Variants in PSMD7 observed in about 807,000 individuals in gnomAD.
PSMD7 encodes 26S proteasome non-ATPase regulatory subunit 7.
A neutral mutation model predicts 36.4 loss-of-function variants in PSMD7; 13 were observed. The ratio of observed to expected loss-of-function variants is 0.36; its 90% confidence interval spans 0.23 to 0.57. PSMD7 has a LOEUF of 0.57. Among genes scored for constraint, PSMD7 ranks in the 20% least tolerant of loss-of-function variants. The pLI is 0.83. For synonymous variants in PSMD7, 186 were observed against 151.0 expected, an observed-to-expected ratio of 1.23 and a Z score of -1.70; for missense variants, 298 against 393.6, an observed-to-expected ratio of 0.76 and a Z score of 2.06.
rs373517773 is a variant in PSMD7 at position 74,296,898 on chromosome 16, G to C, written c.-17G>C. ...CGTGTGGCAGGGAGCCAGGCCTGGC[G>C]AGCGGGGTGTGTCGCGATGCCGGAG... On this transcript the variant is annotated 5_prime_UTR_variant, in exon 1 of 7. Transcript: ENST00000219313. The C allele has an allele frequency of 4.5e-4, 723 of 1,612,472 alleles. No individual in the cohort carries two copies. Among genetic ancestry groups the C allele is most frequent in the Non-Finnish European group, 6.0e-4 (703 of 1,179,614 alleles).
In PSMD7 at chr16:74,305,893, G is replaced by A. The variant is rs2034192868; in HGVS notation, c.*160G>A. ...ACTCTTGCTGTGGTGCTACGTGGAA[G>A]TGAATGGAGACTGATCTCAAATCTG... On this transcript the variant is annotated 3_prime_UTR_variant, in exon 7 of 7. Transcript: ENST00000219313. 3 of 750,686 alleles carry A rather than the reference G, an allele frequency of 4.0e-6. No homozygotes were observed. The highest frequency in any genetic ancestry group is 3.8e-6 in the Non-Finnish European group (2 of 530,998). The allele number at this position is 750,686 out of a possible 1,614,324, so 46.5% of individuals were successfully genotyped here.
At chr16:74,304,483 T>A in intron 6 of PSMD7, 89 bp downstream of exon 6, 1 of 1,172,730 alleles carries the variant, frequency 8.5e-7, no homozygotes, top group Middle Eastern at 2.0e-4. Context: ...TATGGAGACC[T>A]GGGGTCTCGT....
chr16:74,302,214 A>G lies in PSMD7; in HGVS notation c.360A>G (p.Val120=), dbSNP rs1158992657. Residue 120 remains valine (V), a splice_region_variant and synonymous_variant, in exon 5 of 7, where the codon GTA becomes GTG. Coordinates refer to ENST00000219313, the MANE Select transcript of PSMD7 (RefSeq NM_002811.5). ...ELMKRYCPNS[V]LVIIDVKPKD... ...GCTAAGATGTGTTTCTCTGCCAGGT[A>G]TTGGTCATCATTGATGTGAAGCCGA... is the stretch of plus-strand genomic sequence containing the variant. 3 of 1,613,454 alleles carry G rather than the reference A, an allele frequency of 1.9e-6. No individual in the cohort carries two copies. The highest frequency in any genetic ancestry group is 2.2e-5 in the East Asian group (1 of 44,896).
chr16:74,301,566 A>G lies in PSMD7; in HGVS notation c.271A>G (p.Ile91Val). The G allele has an allele frequency of 6.2e-7, 1 of 1,612,534 alleles. No homozygotes were observed. The highest frequency in any genetic ancestry group is 1.3e-5 in the African/African-American group (1 of 74,988). Reference sequence around the variant, plus strand: ...TTTTTCCTTCCTAGCCAGGGAAAGAATAGTTGGCTGGTACCACACAGGCCC... The same window carrying G: ...TTTTTCCTTCCTAGCCAGGGAAAGAGTAGTTGGCTGGTACCACACAGGCCC... ...MFKKVNARER[I>V]VGWYHTGPKL... The change falls in exon 4 of 7, where the codon ATA (isoleucine) becomes GTA (valine). Residue 91 changes from isoleucine (I) to valine (V), a missense_variant. Ile to Val is a conservative substitution (Grantham distance 29, BLOSUM62 3). Coordinates refer to ENST00000219313, the MANE Select transcript of PSMD7 (RefSeq NM_002811.5).
intron 1 of PSMD7, chr16:74,299,870 T>C (rs1397391076): frequency 5.5e-6 from 3 of 543,674 alleles, no homozygotes; most frequent in Non-Finnish European, 6.6e-6. Flanking sequence ...TTTGAAATTT[T>C]CCCAAGCATG....
chr16:74,301,791 T>C (rs1199867443), intron 4 of PSMD7, 139 bp downstream of exon 4: 5 of 670,974 alleles, frequency 7.5e-6, no homozygotes, highest in Non-Finnish European at 1.3e-5. Flanking sequence ...TGTAGTGCTC[T>C]GTGAAGTATA....
intron 5 of PSMD7, among the ~76,000 whole-genome samples, chr16:74,303,138 G>A (rs1195629): frequency 0.47 from 72,080 of 152,076 alleles, 17,562 homozygotes; most frequent in East Asian, 0.7. Context: ...ATGTTACAAG[G>A]TGAAGCTCAA....
chr16:74,304,199 C>T, intron 5 of PSMD7, 104 bp from the exon 6 acceptor site: 2 of 969,116 alleles, frequency 2.1e-6, no homozygotes, highest in South Asian at 2.8e-5. Context: ...GTCATGCACT[C>T]ATTAAATGAG....
intron 1 of PSMD7, chr16:74,299,608 C>G (rs1481670619): frequency 4.4e-6 from 2 of 453,422 alleles, no homozygotes; most frequent in African/African-American, 4.0e-5. Flanking sequence ...TGCCCATGCT[C>G]GTCTCAAACT....
rs373000284 is a variant in PSMD7 at position 74,300,235 on chromosome 16, G to A, written c.166+29G>A. The stretch of plus-strand genomic sequence containing the variant: ...AAAGACAAATTTTATGTTTTTCCGA[G>A]CATGATTAAAATGTCAGTTTACCCT... On this transcript the variant is annotated intron_variant, in intron 2 of 6. Transcript: ENST00000219313. 1.5e-5 allele frequency: 23 copies of A among 1,575,576 alleles called. No individual in the cohort carries two copies. In the African/African-American group the frequency reaches 2.7e-4, roughly 19 times the overall value.
rs201703343 is a variant in PSMD7 at position 74,300,178 on chromosome 16, A to G, written c.138A>G (p.Lys46=). 2.6e-5 allele frequency: 42 copies of G among 1,614,098 alleles called. No homozygotes were observed. Among genetic ancestry groups the G allele is most frequent in the Non-Finnish European group, 5.1e-6 (6 of 1,180,036 alleles). Residue 46 remains lysine, a synonymous_variant, in exon 2 of 7, where the codon AAA becomes AAG. Coordinates refer to ENST00000219313, the MANE Select transcript of PSMD7 (RefSeq NM_002811.5). ...TGCTTTTGGGGTCATGGCAAAAGAA[A>G]GTACTTGATGTATCGAACAGTTTTG... ...VGVLLGSWQK[K]VLDVSNSFAV...
In PSMD7 at chr16:74,296,875, T is replaced by C. The variant is rs1176370525; in HGVS notation, c.-40T>C. 6.2e-7 allele frequency: 1 copy of C among 1,607,650 alleles called. No homozygotes were observed. Among genetic ancestry groups the C allele is most frequent in the Non-Finnish European group, 8.5e-7 (1 of 1,176,836 alleles). Reference sequence around the variant, plus strand: ...ACCGCTACTGCTGCCGGTGTTTGCGTGTGGCAGGGAGCCAGGCCTGGCGAG... The same window carrying C: ...ACCGCTACTGCTGCCGGTGTTTGCGCGTGGCAGGGAGCCAGGCCTGGCGAG... On this transcript the variant is annotated 5_prime_UTR_variant, in exon 1 of 7. Transcript: ENST00000219313.
At chr16:74,301,754 C>A in intron 4 of PSMD7, 102 bp downstream of exon 4, 1 of 865,742 alleles carries the variant, frequency 1.2e-6, no homozygotes. Flanking sequence ...CTGCTTACTG[C>A]TTTATCTCCA....
rs923386131 is a variant in PSMD7, at chr16:74,302,314, C to T, written c.438+22C>T. On this transcript the variant is annotated intron_variant, in intron 5 of 6. Transcript: ENST00000219313. ...TGATGTAAGTCATCTTGCTATGAAC[C>T]TGGGAGGTTAGACTGCTACTTATTG... The T allele has an allele frequency of 1.9e-6, 3 of 1,600,662 alleles. No individual in the cohort carries two copies. The African/African-American group carries it at 4.0e-5, about 21-fold the overall frequency.
chr16:74,296,839 G>C lies in PSMD7; in HGVS notation c.-76G>C. The C allele has an allele frequency of 6.6e-7, 1 of 1,503,994 alleles. No homozygotes were observed. The highest frequency in any genetic ancestry group is 1.2e-5 in the South Asian group (1 of 85,598). 93.2% of individuals were successfully genotyped at this position (1,503,994 alleles called of 1,614,324 possible). A position where few individuals can be genotyped will look rare whatever the true frequency, so the allele number is the denominator to read the frequency against. The stretch of plus-strand genomic sequence containing the variant: ...GGAAGAAGAGGAACTGGGCCTGAAA[G>C]GGTACCGGTGACCGCTACTGCTGCC... On this transcript the variant is annotated 5_prime_UTR_variant, in exon 1 of 7. Coordinates refer to ENST00000219313, the MANE Select transcript of PSMD7 (RefSeq NM_002811.5).
At chr16:74,300,299 C>A in intron 2 of PSMD7, 93 bp downstream of exon 2, 1 of 1,130,222 alleles carries the variant, frequency 8.8e-7, no homozygotes, top group Non-Finnish European at 1.3e-6. Flanking sequence ...TTGACTACAA[C>A]CCAGAGATTG....
At position 74,305,304 on chromosome 16, in the gene PSMD7, G is replaced by T; in HGVS notation, c.546G>T (p.Thr182=). 2 of 1,610,390 alleles carry T rather than the reference G, an allele frequency of 1.2e-6. No homozygotes were observed. Among genetic ancestry groups the T allele is most frequent in the Non-Finnish European group, 1.7e-6 (2 of 1,177,806 alleles). Residue 182 remains threonine (T), a synonymous_variant, in exon 7 of 7, where the codon ACG becomes ACT. Coordinates refer to ENST00000219313, the MANE Select transcript of PSMD7 (RefSeq NM_002811.5). ...GTTATTACAGAGATATCAAAGACAC[G>T]ACGGTGGGCACTCTGTCCCAGCGGA... ...VEHLLRDIKD[T]TVGTLSQRIT...
chr16:74,297,451 G>C (rs777538917), intron 1 of PSMD7, among the ~76,000 whole-genome samples: 3 of 151,932 alleles, frequency 2.0e-5, no homozygotes, highest in Non-Finnish European at 4.4e-5. Flanking sequence ...CCCGACCCCA[G>C]GGTCGTATCT....
intron 2 of PSMD7, chr16:74,300,457 TAAAC>T (rs1022936750): frequency 4.1e-6 from 2 of 492,352 alleles, no homozygotes; most frequent in Non-Finnish European, 7.3e-6. Flanking sequence ...AGACAACATG[TAAAC>T]AAACAAAAGT....
Sources: allele counts gnomAD v4.1 joint callset (sites outside exome capture counted in the v4.1 genomes callset), GRCh38; gene constraint gnomAD v4.1.1; transcripts MANE v1.5; gene names NCBI Gene and HGNC (gene_info 2026-07-23, HGNC 2026-07-21).